The following PRDM2 variants were observed in gnomAD, a reference collection of about 807,000 sequenced individuals.
PRDM2 encodes the protein PR/SET domain 2.
Under a neutral mutation model 130.0 loss-of-function variants are expected in PRDM2, and 30 were observed. The observed-to-expected ratio is 0.23, with a 90% CI of 0.17 to 0.31. The LOEUF (loss-of-function observed/expected upper bound fraction) is 0.31, where lower values mean the gene tolerates loss of function less well. PRDM2 is among the 10% of genes least tolerant of loss of function. The pLI is 1.00. For synonymous variants in PRDM2, 871 were observed against 782.4 expected (o/e 1.11, Z -1.89); for missense variants, 2,011 against 2,108.4 (o/e 0.95, Z 0.90).
rs894143299 is a variant in PRDM2, at chr1:13,824,124, C to G, written c.*989C>G. 6.5e-6 allele frequency: 1 copy of G among 152,680 alleles called. No homozygotes were observed. The highest frequency in any genetic ancestry group is 2.4e-5 in the African/African-American group (1 of 41,456). The allele number at this position is 152,680 out of a possible 1,614,324, so 9.5% of individuals were successfully genotyped here. A position where few individuals can be genotyped will look rare whatever the true frequency, so the allele number is the denominator to read the frequency against. On this transcript the variant is annotated 3_prime_UTR_variant, in exon 10 of 10. Coordinates refer to ENST00000311066, the MANE Select transcript of PRDM2 (RefSeq NM_001393986.1). Reference sequence around the variant, plus strand: ...TGACTCCTGCTCTCTGGAGGACGGTCAGTCCATGTCTCGGAGAAACGGGTG... The same window carrying G: ...TGACTCCTGCTCTCTGGAGGACGGTGAGTCCATGTCTCGGAGAAACGGGTG...
At chr1:13,753,642 A>T (rs966862535) in intron 6 of PRDM2, among the ~76,000 whole-genome samples, 53 of 152,354 alleles carry the variant, frequency 3.5e-4, no homozygotes, top group African/African-American at 1.3e-3. Context: ...GTCTAAAAAA[A>T]GTGCAACACG....
chr1:13,749,590 G>C, intron 6 of PRDM2, 103 bp downstream of exon 6: 4 of 785,896 alleles, frequency 5.1e-6, no homozygotes, highest in Non-Finnish European at 6.2e-6. Context: ...GGCGGGTCGC[G>C]GGCTCGGGCG....
chr1:13,746,528 TTTTATTTATTTATTTATTTA>T (rs34775135), intron 5 of PRDM2, among the ~76,000 whole-genome samples: 15 of 146,468 alleles, frequency 1.0e-4, no homozygotes, highest in Admixed American at 1.4e-4. Context: ...TACTACTTGT[TTTTATTTATTTATTTATTTA>T]TTTATTTATT....
intron 5 of PRDM2, among the ~76,000 whole-genome samples, chr1:13,747,557 T>C (rs745843390): frequency 4.0e-5 from 6 of 151,774 alleles, no homozygotes; most frequent in Non-Finnish European, 7.4e-5. Context: ...ATTTTAGCCT[T>C]CTTAGGGGTG....
At position 13,780,693 on chromosome 1, in the gene PRDM2, C is replaced by T; in HGVS notation, c.2898C>T (p.Ile966=). The change falls in exon 8 of 10, where the codon ATC becomes ATT. Residue 966 remains isoleucine, a synonymous_variant. Transcript: ENST00000311066. The part of the protein sequence containing the change: ...LSSGQLPPLL[I]PTDPSSPPPC... ...CCGGTCAGCTGCCTCCTCTCTTGAT[C>T]CCCACAGATCCCTCTTCCCCTCCAC... 1.2e-6 allele frequency: 2 copies of T among 1,607,278 alleles called. No homozygotes were observed. The highest frequency in any genetic ancestry group is 1.7e-6 in the Non-Finnish European group (2 of 1,176,196).
intron 6 of PRDM2, among the ~76,000 whole-genome samples, chr1:13,769,659 T>C (rs374111823): frequency 2.0e-4 from 31 of 152,242 alleles, no homozygotes; most frequent in Non-Finnish European, 2.5e-4. Context: ...ATGAATGATA[T>C]AGACTTGTGA....
chr1:13,811,262 T>C (rs1645168234), intron 8 of PRDM2, among the ~76,000 whole-genome samples: 1 of 152,130 alleles, frequency 6.6e-6, no homozygotes. Context: ...TCTAGGCTGT[T>C]CTCTGGATTG....
chr1:13,763,448 A>G (rs1644150662), intron 6 of PRDM2, among the ~76,000 whole-genome samples: 1 of 152,188 alleles, frequency 6.6e-6, no homozygotes, highest in African/African-American at 2.4e-5. Flanking sequence ...TAAAGTCTTT[A>G]TAACTGTGTG....
In PRDM2 at chr1:13,803,858, A is replaced by G. The variant is rs1645046919; in HGVS notation, c.5037-12569A>G. On this transcript the variant is annotated intron_variant, in intron 8 of 9. Coordinates refer to ENST00000311066, the MANE Select transcript of PRDM2 (RefSeq NM_001393986.1). This position sits in a 1 kb window ranked among gnomAD's most constrained non-coding sequence, Gnocchi z 6.2. The stretch of plus-strand genomic sequence containing the variant: ...GGAATTCATGGCCTCTGAGGACCTC[A>G]GAACCTGGCTTAGAAGCTCCACAAA... Among the ~76,000 whole-genome samples the G allele has an allele frequency of 6.6e-6, 1 of 152,182 alleles. No homozygotes were observed. The highest frequency in any genetic ancestry group is 1.5e-5 in the Non-Finnish European group (1 of 68,032).
chr1:13,749,702 C>T (rs1470054119), intron 6 of PRDM2, among the ~76,000 whole-genome samples: 2 of 151,946 alleles, frequency 1.3e-5, no homozygotes, highest in East Asian at 3.9e-4. Context: ...GCTGCCCTCC[C>T]GCCCTGCCGA....
chr1:13,745,665 G>A (rs1471854087), intron 5 of PRDM2, among the ~76,000 whole-genome samples: 1 of 152,098 alleles, frequency 6.6e-6, no homozygotes, highest in Non-Finnish European at 1.5e-5. Context: ...CTCGTGATCT[G>A]CCCACCTCGG....
chr1:13,746,528 TTTTATTTATTTATTTA>T (rs34775135), intron 5 of PRDM2, among the ~76,000 whole-genome samples: 24 of 146,546 alleles, frequency 1.6e-4, no homozygotes, highest in East Asian at 6.0e-4. Flanking sequence ...TACTACTTGT[TTTTATTTATTTATTTA>T]TTTATTTATT....
At position 13,803,294 on chromosome 1, in the gene PRDM2, G is replaced by C. The variant is rs1285135937; in HGVS notation, c.5037-13133G>C. ...TGAACCGCACCAGGAGCCTGGCTTTGCCATCCATTTGTTCAGGAAACGTTC... is the reference window on the plus strand; with the variant it reads ...TGAACCGCACCAGGAGCCTGGCTTTCCCATCCATTTGTTCAGGAAACGTTC... On this transcript the variant is annotated intron_variant, in intron 8 of 9. Coordinates refer to ENST00000311066, the MANE Select transcript of PRDM2 (RefSeq NM_001393986.1). This position sits in a 1 kb window ranked among gnomAD's most constrained non-coding sequence, Gnocchi z 6.2. Among the ~76,000 whole-genome samples the C allele has an allele frequency of 6.6e-6, 1 of 152,194 alleles. No homozygotes were observed. Among genetic ancestry groups the C allele is most frequent in the Non-Finnish European group, 1.5e-5 (1 of 68,034 alleles).
At position 13,779,768 on chromosome 1, in the gene PRDM2, C is replaced by T. The variant is rs772260739; in HGVS notation, c.1973C>T (p.Pro658Leu). 2.5e-6 allele frequency: 4 copies of T among 1,614,244 alleles called. No homozygotes were observed. The South Asian group carries it at 4.4e-5, about 18-fold the overall frequency. Residue 658 changes from proline to leucine, a missense_variant, in exon 8 of 10, where the codon CCC becomes CTC. By Grantham distance (98) the Pro-to-Leu change is moderately conservative. Coordinates refer to ENST00000311066, the MANE Select transcript of PRDM2 (RefSeq NM_001393986.1). This position sits in a 1 kb window ranked among gnomAD's most constrained non-coding sequence, Gnocchi z 4.9. ...ATTAAGGCCGAAACAGACTCTGACC[C>T]CATGGTCCCCTCTTGCTCTTTAAGT... is the stretch of plus-strand genomic sequence containing the variant. ...PKIKAETDSD[P>L]MVPSCSLSLP...
At chr1:13,783,497 T>C (rs1209418233) in intron 8 of PRDM2, among the ~76,000 whole-genome samples, 2 of 152,190 alleles carry the variant, frequency 1.3e-5, no homozygotes, top group African/African-American at 4.8e-5. Flanking sequence ...TGCAGCTCTT[T>C]CAGGCCTGTG....
rs373965837 is a variant in PRDM2 at position 13,782,618 on chromosome 1, C to T, written c.4823C>T (p.Ser1608Leu). Reference protein sequence around the residue: ...NHSAQLSSKTSRSLHVRVQKS... With the variant: ...NHSAQLSSKTLRSLHVRVQKS... ...TCTGCTCAGCTTTCCAGCAAAACAT[C>T]ACGGAGCCTGCACGTGAGGGTACAG... is the stretch of plus-strand genomic sequence containing the variant. The change falls in exon 8 of 10, where the codon TCA becomes TTA. Residue 1608 changes from serine (S) to leucine (L), a missense_variant. Around this residue, in one of 5 missense-constraint regions of PRDM2, gnomAD observed 410 missense variants for 395.9 expected, o/e 1.04. Transcript: ENST00000311066. 6.2e-7 allele frequency: 1 copy of T among 1,614,132 alleles called. No individual in the cohort carries two copies. The highest frequency in any genetic ancestry group is 8.5e-7 in the Non-Finnish European group (1 of 1,180,020).
At chr1:13,792,171 A>G (rs530670842) in intron 8 of PRDM2, among the ~76,000 whole-genome samples, 1 of 152,336 alleles carries the variant, frequency 6.6e-6, no homozygotes, top group Non-Finnish European at 1.5e-5. Flanking sequence ...TTCCTTATTC[A>G]TGTTTAAACA....
intron 8 of PRDM2, among the ~76,000 whole-genome samples, chr1:13,795,429 C>T (rs919536863): frequency 1.3e-5 from 2 of 152,354 alleles, no homozygotes; most frequent in Admixed American, 6.5e-5. Flanking sequence ...TCCAGGCAGT[C>T]TGTCTCATCT....
intron 9 of PRDM2, among the ~76,000 whole-genome samples, chr1:13,822,794 G>C (rs796928040): frequency 8.5e-5 from 13 of 152,286 alleles, no homozygotes; most frequent in African/African-American, 3.1e-4. Context: ...GGTGGAAAAA[G>C]CCAGACGCAG....
Sources: gnomAD v4.1 joint callset for allele counts (sites outside exome capture counted in the v4.1 genomes callset) on GRCh38, gnomAD v4.1.1 for gene constraint, gnomAD v4.1.1 regional missense constraint, Gnocchi (gnomAD v3.1) non-coding constraint, MANE v1.5 for transcripts, NCBI Gene and HGNC (gene_info 2026-07-23, HGNC 2026-07-21) for gene names.